ESPL1: variants seen among roughly 807,000 people sequenced by gnomAD.
The protein encoded by ESPL1 is separin.
Under a neutral mutation model 217.2 loss-of-function variants are expected in ESPL1, and 50 were observed. The observed-to-expected ratio is 0.23, with a 90% confidence interval of 0.18 to 0.29. The LOEUF is 0.29. Ranked by LOEUF, ESPL1 falls within the 10% of genes least tolerant of loss-of-function variation. The probability of loss-of-function intolerance (pLI) is 1.00; values close to 1 mark genes in which losing one functional copy is unlikely to be tolerated. For missense variants in ESPL1, 1,834 were observed against 2,603.0 expected, an observed-to-expected ratio of 0.70 and a Z score of 6.43; for synonymous variants, 994 against 1,081.3, an observed-to-expected ratio of 0.92 and a Z score of 1.58.
At chr12:53,283,610 A>G (rs1419544191) in intron 16 of ESPL1, 72 bp downstream of exon 16, 9 of 1,406,470 alleles carry the variant, frequency 6.4e-6, no homozygotes, top group African/African-American at 2.9e-5. Context: ...TGGATTCCAA[A>G]CTGTTCCACA....
Position 53,282,221 on chromosome 12 carries a change from CCTGA to C in ESPL1, c.2620-39_2620-36del. On this transcript the variant is annotated intron_variant, in intron 13 of 30. Coordinates refer to ENST00000257934, the MANE Select transcript of ESPL1 (RefSeq NM_012291.5). This position sits in a 1 kb window ranked among gnomAD's most constrained non-coding sequence, Gnocchi z 4.0. ...CCAGGGCCTCTCAAGCTCTGGAGTG[CCTGA>C]CTGCCTTACTGCCTCCTCTGGCTCC... 10 of 1,584,678 alleles carry C rather than the reference CCTGA, an allele frequency of 6.3e-6. No individual in the cohort carries two copies. The highest frequency in any genetic ancestry group is 6.9e-6 in the Non-Finnish European group (8 of 1,154,566).
At position 53,283,469 on chromosome 12, in the gene ESPL1, G is replaced by A; in HGVS notation, c.3008G>A (p.Ser1003Asn). 6.2e-7 allele frequency: 1 copy of A among 1,614,172 alleles called. No homozygotes were observed. The highest frequency in any genetic ancestry group is 8.5e-7 in the Non-Finnish European group (1 of 1,180,024). The change falls in exon 16 of 31, where the codon AGT (serine) becomes AAT (asparagine). Residue 1003 changes from serine (S) to asparagine (N), a missense_variant. Physicochemically the swap from Ser to Asn is conservative, Grantham distance 46. Around this residue, in one of 5 missense-constraint regions of ESPL1, gnomAD observed 107 missense variants for 171.7 expected, o/e 0.62. Transcript: ENST00000257934. ...KLVCHLGRLG[S>N]VSEAKAFCLE... The stretch of plus-strand genomic sequence containing the variant: ...GTCTGCCACCTGGGCCGCCTGGGTA[G>A]TGTGAGTGAAGCCAAGGCCTTTTGC...
intron 19 of ESPL1, 43 bp downstream of exon 19, chr12:53,288,384 T>G: frequency 9.0e-6 from 14 of 1,550,436 alleles, no homozygotes; most frequent in Non-Finnish European, 1.2e-5. Context: ...GTTTTGGGGG[T>G]TTGTTCTGGG....
chr12:53,289,801 T>G (rs760425060), intron 22 of ESPL1: 72 of 610,042 alleles, frequency 1.2e-4, no homozygotes, highest in Non-Finnish European at 1.0e-4. Context: ...TTCAGTGTCT[T>G]TCCTCAGAGG....
chr12:53,276,537 T>G, intron 7 of ESPL1, 83 bp from the exon 8 acceptor site: 1 of 1,430,522 alleles, frequency 7.0e-7, no homozygotes, highest in Non-Finnish European at 9.3e-7. Flanking sequence ...AAGCCAAGGC[T>G]GGGGCTCCTC....
Position 53,289,142 on chromosome 12 carries a change from C to T in ESPL1, c.4761C>T (p.Gly1587=). The T allele has an allele frequency of 6.2e-7, 1 of 1,614,206 alleles. No individual in the cohort carries two copies. Residue 1587 remains glycine (G), a synonymous_variant, in exon 21 of 31, where the codon GGC becomes GGT. Coordinates refer to ENST00000257934, the MANE Select transcript of ESPL1 (RefSeq NM_012291.5). ...ICDSLSVAFR[G]ISHCPPSGLY... ...ACTCCCTGAGTGTTGCTTTCCGGGGCATTAGTCACTGTCCTCCTAGTGGGC... is the reference window on the plus strand; with the variant it reads ...ACTCCCTGAGTGTTGCTTTCCGGGGTATTAGTCACTGTCCTCCTAGTGGGC...
At chr12:53,280,712 G>A (rs922134216) in intron 12 of ESPL1, among the ~76,000 whole-genome samples, 3 of 152,064 alleles carry the variant, frequency 2.0e-5, no homozygotes, top group Non-Finnish European at 4.4e-5. Flanking sequence ...TGGTTAACCA[G>A]GCTGAGCGCA....
intron 5 of ESPL1, among the ~76,000 whole-genome samples, 199 bp from the exon 6 acceptor site, chr12:53,272,522 T>C (rs1324730481): frequency 6.6e-6 from 1 of 152,018 alleles, no homozygotes; most frequent in Non-Finnish European, 1.5e-5. Flanking sequence ...GCAGATGGGC[T>C]GAGTGGTGTG....
In ESPL1 at chr12:53,286,894, A is replaced by T; in HGVS notation, c.4158A>T (p.Arg1386Ser). The T allele has an allele frequency of 6.3e-7, 1 of 1,598,636 alleles. No homozygotes were observed. The highest frequency in any genetic ancestry group is 8.5e-7 in the Non-Finnish European group (1 of 1,173,214). The change falls in exon 18 of 31, where the codon AGA (arginine) becomes AGT (serine). Residue 1386 changes from arginine (R) to serine (S), a missense_variant. Physicochemically the swap from Arg to Ser is moderately radical, Grantham distance 110. Around this residue, in one of 5 missense-constraint regions of ESPL1, gnomAD observed 681 missense variants for 808.0 expected, o/e 0.84. Transcript: ENST00000257934. This position sits in a 1 kb window ranked among gnomAD's most constrained non-coding sequence, Gnocchi z 5.3. ...CCCAGGCCCCCAGGGTACAACAGAG[A>T]GTCCAGACGCGCCTCAAGGTGAGGT... ...EVPQAPRVQQ[R>S]VQTRLKVNFS...
chr12:53,286,464 T>C lies in ESPL1; in HGVS notation c.3728T>C (p.Leu1243Pro), dbSNP rs980281927. The C allele has an allele frequency of 6.2e-7, 1 of 1,614,220 alleles. No homozygotes were observed. The highest frequency in any genetic ancestry group is 1.7e-5 in the Admixed American group (1 of 60,024). The change falls in exon 18 of 31, where the codon CTG (leucine) becomes CCG (proline). Residue 1243 changes from leucine to proline, a missense_variant. Transcript: ENST00000257934. The surrounding 1 kb of genome is among the most constrained non-coding windows in gnomAD (Gnocchi z 5.3). ...CTGAACCAGCCATCAAACGAGAGCC[T>C]GCAGAAGGTTCTACAGTCAGGGCTG... ...EGLNQPSNES[L>P]QKVLQSGLKF...
Position 53,268,841 on chromosome 12 carries a change from C to A in ESPL1, c.75C>A (p.Ala25=). Residue 25 remains alanine (A), a synonymous_variant, in exon 2 of 31, where the codon GCC becomes GCA. Transcript: ENST00000257934. ...SQKEAEELLP[A]LKEFLSNPPA... is the part of the protein sequence containing the mutation. ...AGGAGGCTGAAGAGTTGCTGCCCGC[C>A]TTGAAGGTGGGGGTGCTGCCTGGCT... 1 of 1,610,396 alleles carries A rather than the reference C, an allele frequency of 6.2e-7. No individual in the cohort carries two copies. The highest frequency in any genetic ancestry group is 8.5e-7 in the Non-Finnish European group (1 of 1,178,212).
chr12:53,293,068 AT>A lies in ESPL1; in HGVS notation c.6161+102del. Reference sequence around the variant, plus strand: ...CTGAATCTTGCCTCTCTTGTGCCCCATTTTCCTCCTATCCTAGTTAGTTCCC... The same window carrying A: ...CTGAATCTTGCCTCTCTTGTGCCCCATTTCCTCCTATCCTAGTTAGTTCCC... On this transcript the variant is annotated intron_variant, in intron 30 of 30. Coordinates refer to ENST00000257934, the MANE Select transcript of ESPL1 (RefSeq NM_012291.5). The surrounding 1 kb of genome is among the most constrained non-coding windows in gnomAD (Gnocchi z 4.2). The A allele has an allele frequency of 3.2e-6, 4 of 1,230,902 alleles. No homozygotes were observed. The highest frequency in any genetic ancestry group is 4.6e-6 in the Non-Finnish European group (4 of 878,458). 76.2% of individuals were successfully genotyped at this position (1,230,902 alleles called of 1,614,324 possible). A position where few individuals can be genotyped will look rare whatever the true frequency, so the allele number is the denominator to read the frequency against.
chr12:53,270,197 C>G (rs1943644111), intron 3 of ESPL1, 112 bp downstream of exon 3: 1 of 1,053,270 alleles, frequency 9.5e-7, no homozygotes, highest in African/African-American at 1.6e-5. Flanking sequence ...AAGCTGCTCT[C>G]TGGACAGTGC....
At chr12:53,270,272 T>C (rs1219377401) in intron 3 of ESPL1, 106 bp from the exon 4 acceptor site, 4 of 990,546 alleles carry the variant, frequency 4.0e-6, no homozygotes, top group South Asian at 1.3e-5. Context: ...ATGTCCTTCC[T>C]CGTGCTCCCT....
At position 53,269,782 on chromosome 12, in the gene ESPL1, T is replaced by C; in HGVS notation, c.840T>C (p.Ser280=). The C allele has an allele frequency of 6.2e-7, 1 of 1,614,110 alleles. No individual in the cohort carries two copies. The highest frequency in any genetic ancestry group is 8.5e-7 in the Non-Finnish European group (1 of 1,180,010). Residue 280 remains serine (S), a synonymous_variant, in exon 3 of 31, where the codon AGT becomes AGC. Coordinates refer to ENST00000257934, the MANE Select transcript of ESPL1 (RefSeq NM_012291.5). This position sits in a 1 kb window ranked among gnomAD's most constrained non-coding sequence, Gnocchi z 6.7. ...KAISAVEKAH[S]YLRNTNLAPS... ...TCAGCGCAGTGGAGAAGGCTCACAG[T>C]TACCTAAGGAACACCAATCTAGCCC...
At chr12:53,289,982 C>G (rs972573043) in intron 22 of ESPL1, 103 bp from the exon 23 acceptor site, 1 of 1,359,580 alleles carries the variant, frequency 7.4e-7, no homozygotes, top group Non-Finnish European at 1.0e-6. Context: ...CCAGGGAAGG[C>G]TTCTTGATGC....
In ESPL1 at chr12:53,283,145, G is replaced by A; in HGVS notation, c.2808G>A (p.Glu936=). The A allele has an allele frequency of 6.2e-7, 1 of 1,614,216 alleles. No individual in the cohort carries two copies. The highest frequency in any genetic ancestry group is 1.1e-5 in the South Asian group (1 of 91,084). ...QLCAQGWQTP[E]IALIDSHKLL... ...CCACCACAGGCTGGCAGACACCTGA[G>A]ATAGCTCTCATAGACTCCCATAAGC... The change falls in exon 15 of 31, where the codon GAG becomes GAA. Residue 936 remains glutamate (E), a synonymous_variant. Transcript: ENST00000257934.
rs563262238 is a variant in ESPL1, at chr12:53,275,880, A to G, written c.1701-740A>G. ...TGCGCCCAGCCTTCACGTATGCTCT[A>G]TGAAGACAATTAAACTGATTTGCTA... On this transcript the variant is annotated intron_variant, in intron 7 of 30. Coordinates refer to ENST00000257934, the MANE Select transcript of ESPL1 (RefSeq NM_012291.5). Among the ~76,000 whole-genome samples the G allele has an allele frequency of 9.9e-5, 15 of 152,212 alleles. 1 individual carries two copies. The East Asian group carries it at 1.2e-3, about 12-fold the overall frequency.
chr12:53,289,793 C>G, intron 22 of ESPL1, 199 bp downstream of exon 22: 1 of 609,606 alleles, frequency 1.6e-6, no homozygotes, highest in South Asian at 2.2e-5. Flanking sequence ...CCAGCAAATT[C>G]AGTGTCTTTC....
Sources: allele counts gnomAD v4.1 joint callset (sites outside exome capture counted in the v4.1 genomes callset), GRCh38; gene constraint gnomAD v4.1.1; regional missense constraint gnomAD v4.1.1; non-coding constraint Gnocchi (gnomAD v3.1); transcripts MANE v1.5; gene names NCBI Gene and HGNC (gene_info 2026-07-23, HGNC 2026-07-21).